The following UTRN variants were observed in gnomAD, a reference collection of about 807,000 sequenced individuals.
UTRN encodes dystrophin-related protein 1.
In UTRN, 283 loss-of-function variants were observed where a neutral mutation model predicts 463.9. The observed-to-expected ratio is 0.61, with a 90% CI of 0.55 to 0.67. The LOEUF (loss-of-function observed/expected upper bound fraction) is 0.67, where lower values mean the gene tolerates loss of function less well. UTRN is among the 30% of genes least tolerant of loss of function. The pLI is 0.00. For synonymous variants in UTRN, 1,442 were observed against 1,431.5 expected (o/e 1.01, Z -0.17); for missense variants, 3,922 against 4,084.3 (o/e 0.96, Z 1.08).
chr6:144,818,501 T>C (rs1779276564), intron 65 of UTRN, among the ~76,000 whole-genome samples: 1 of 152,192 alleles, frequency 6.6e-6, no homozygotes, highest in African/African-American at 2.4e-5. Context: ...TGGATATGGC[T>C]TGAAAACCAC....
chr6:144,798,022 TTC>T (rs762022136), intron 64 of UTRN, 32 bp downstream of exon 64: 1 of 1,613,422 alleles, frequency 6.2e-7, no homozygotes, highest in East Asian at 2.2e-5. Context: ...GGAGGCTATT[TTC>T]TGTTTCCTTT....
intron 74 of UTRN, among the ~76,000 whole-genome samples, chr6:144,847,288 T>A (rs543070319): frequency 2.7e-4 from 41 of 152,342 alleles, no homozygotes; most frequent in African/African-American, 9.6e-4. Flanking sequence ...CTTTTAGTAT[T>A]TTCTATAAAC....
At chr6:144,765,175 A>C (rs947265746) in intron 58 of UTRN, among the ~76,000 whole-genome samples, 4 of 152,204 alleles carry the variant, frequency 2.6e-5, no homozygotes, top group Non-Finnish European at 4.4e-5. Flanking sequence ...CCCTCAAGAC[A>C]ATTATCACCT....
rs778688999 is a variant in UTRN at position 144,557,237 on chromosome 6, T to C, written c.7215T>C (p.Tyr2405=). The C allele has an allele frequency of 2.4e-5, 38 of 1,613,952 alleles. No homozygotes were observed. The highest frequency in any genetic ancestry group is 3.1e-5 in the Non-Finnish European group (37 of 1,179,908). ...DNVLQKLLEE[Y]GSDDTRNVKE... is the part of the protein sequence containing the mutation. ...TCCTGCAGAAACTCCTGGAGGAATATGGGAGTGATGACACAAGGAATGTGA... is the reference window on the plus strand; with the variant it reads ...TCCTGCAGAAACTCCTGGAGGAATACGGGAGTGATGACACAAGGAATGTGA... Residue 2405 remains tyrosine, a synonymous_variant, in exon 50 of 75, where the codon TAT becomes TAC. Coordinates refer to ENST00000367545, the MANE Select transcript of UTRN (RefSeq NM_007124.3).
chr6:144,745,753 C>G (rs1332796117), intron 54 of UTRN, among the ~76,000 whole-genome samples: 1 of 152,128 alleles, frequency 6.6e-6, no homozygotes, highest in Non-Finnish European at 1.5e-5. Context: ...TTTACTTTAT[C>G]TGAGGAAAAT....
rs190999128 is a variant in UTRN at position 144,378,575 on chromosome 6, A to C, written c.80-24548A>C. ...AGAACAGGGTGAAGGAGGCAGGCAT[A>C]GCAGCATGAACCAATATCCCGAGGC... On this transcript the variant is annotated intron_variant, in intron 2 of 74. Coordinates refer to ENST00000367545, the MANE Select transcript of UTRN (RefSeq NM_007124.3). 2.2e-3 allele frequency among the ~76,000 whole-genome samples: 335 copies of C among 152,348 alleles called. 1 individual carries two copies. The highest frequency in any genetic ancestry group is 0.014 in the Middle Eastern group (4 of 294).
intron 50 of UTRN, among the ~76,000 whole-genome samples, chr6:144,575,117 A>AT (rs1215533773): frequency 6.6e-6 from 1 of 152,072 alleles, no homozygotes; most frequent in Non-Finnish European, 1.5e-5. Context: ...TTGAATTTAC[A>AT]TTTCTCTAAT....
At chr6:144,666,550 G>A (rs572135181) in intron 51 of UTRN, among the ~76,000 whole-genome samples, 1 of 152,316 alleles carries the variant, frequency 6.6e-6, no homozygotes, top group East Asian at 1.9e-4. Flanking sequence ...AACAGAGACT[G>A]TGAGGATACA....
chr6:144,636,576 A>G (rs1777200957), intron 51 of UTRN, among the ~76,000 whole-genome samples: 1 of 152,246 alleles, frequency 6.6e-6, no homozygotes, highest in Admixed American at 6.5e-5. Context: ...GGTTTCTCTA[A>G]GAAAGTTTTC....
At chr6:144,602,749 A>C (rs1410199569) in intron 51 of UTRN, among the ~76,000 whole-genome samples, 1 of 152,206 alleles carries the variant, frequency 6.6e-6, no homozygotes, top group African/African-American at 2.4e-5. Context: ...TGCAGACTCC[A>C]TACAGACAGG....
intron 66 of UTRN, among the ~76,000 whole-genome samples, chr6:144,822,511 A>T (rs914244582): frequency 6.6e-6 from 1 of 152,140 alleles, no homozygotes; most frequent in African/African-American, 2.4e-5. Context: ...TTGATATCAA[A>T]CTGTGTACAA....
intron 2 of UTRN, among the ~76,000 whole-genome samples, chr6:144,317,700 A>G (rs534249887): frequency 1.6e-4 from 24 of 152,286 alleles, no homozygotes; most frequent in East Asian, 1.2e-3. Context: ...CCCAGCCCCA[A>G]TCTGGTATCT....
At chr6:144,514,258 A>C (rs562257355) in intron 36 of UTRN, among the ~76,000 whole-genome samples, 3 of 152,342 alleles carry the variant, frequency 2.0e-5, no homozygotes, top group Admixed American at 6.5e-5. Flanking sequence ...CAACCGGAGT[A>C]AGACCTATTC....
chr6:144,428,548 T>C (rs538521918), intron 7 of UTRN, among the ~76,000 whole-genome samples: 2 of 151,850 alleles, frequency 1.3e-5, no homozygotes, highest in Admixed American at 1.3e-4. Flanking sequence ...CCACAGAAAA[T>C]AGCAGTCCTA....
At position 144,482,341 on chromosome 6, in the gene UTRN, T is replaced by C. The variant is rs772549796; in HGVS notation, c.3640T>C (p.Tyr1214His). 1.9e-6 allele frequency: 3 copies of C among 1,603,150 alleles called. No individual in the cohort carries two copies. The highest frequency in any genetic ancestry group is 1.3e-5 in the African/African-American group (1 of 74,436). Residue 1214 changes from tyrosine to histidine, a missense_variant, in exon 27 of 75, where the codon TAC becomes CAC. Around this residue, in one of 3 missense-constraint regions of UTRN, gnomAD observed 2,349 missense variants for 2,303.8 expected, o/e 1.02. Transcript: ENST00000367545. Reference protein sequence around the residue: ...TSELNVVLENYQLLCNRIRGK... With the variant: ...TSELNVVLENHQLLCNRIRGK... ...TGAGCTGAATGTTGTGCTGGAGAAT[T>C]ACCAACTTCTTTGTAATAGAATTCG...
chr6:144,716,321 C>A (rs1786445351), intron 53 of UTRN, among the ~76,000 whole-genome samples: 1 of 151,448 alleles, frequency 6.6e-6, no homozygotes, highest in African/African-American at 2.4e-5. Context: ...GAATTTGATA[C>A]CTTTGAATGC....
At chr6:144,553,433 T>G (rs1349865136) in intron 48 of UTRN, among the ~76,000 whole-genome samples, 1 of 152,212 alleles carries the variant, frequency 6.6e-6, no homozygotes, top group Non-Finnish European at 1.5e-5. Context: ...TATCTTGTAG[T>G]TACGTTCCTC....
chr6:144,516,295 CCTTT>C lies in UTRN; in HGVS notation c.5314_5317del (p.Phe1772LeufsTer6), dbSNP rs1562512883. On this transcript the variant is annotated frameshift_variant, in exon 38 of 75. Coordinates refer to ENST00000367545, the MANE Select transcript of UTRN (RefSeq NM_007124.3). LOFTEE classifies it high-confidence loss of function. Reference sequence around the variant, plus strand: ...CACTGAAACATTTGAAACTGGTGTGCCTTTCTCTGACTTGGAAAAATTAGAAAAT... The same window carrying C: ...CACTGAAACATTTGAAACTGGTGTGCCTCTGACTTGGAAAAATTAGAAAAT... The C allele has an allele frequency of 6.2e-7, 1 of 1,613,620 alleles. No homozygotes were observed. Among genetic ancestry groups the C allele is most frequent in the Non-Finnish European group, 8.5e-7 (1 of 1,179,906 alleles).
Position 144,523,016 on chromosome 6 carries a change from A to G in UTRN, c.5734A>G (p.Asn1912Asp). The G allele has an allele frequency of 6.3e-7, 1 of 1,579,672 alleles. No individual in the cohort carries two copies. The highest frequency in any genetic ancestry group is 1.4e-5 in the African/African-American group (1 of 73,296). ...DFSFQEDSLK[N>D]IKDQLDKLGE... is the part of the protein sequence containing the mutation. ...TTAATCTATGACAATATATTTTTAGAATATCAAAGACCAACTGGACAAACT... is the reference window on the plus strand; with the variant it reads ...TTAATCTATGACAATATATTTTTAGGATATCAAAGACCAACTGGACAAACT... Residue 1912 changes from asparagine (N) to aspartate (D), a missense_variant and splice_region_variant, in exon 41 of 75, where the codon AAT becomes GAT. Asn to Asp is a conservative substitution (Grantham distance 23). This residue lies in a region of UTRN where 2,349 missense variants were observed against 2,303.8 expected (regional missense o/e 1.02). Coordinates refer to ENST00000367545, the MANE Select transcript of UTRN (RefSeq NM_007124.3).
Sources: gnomAD v4.1 joint callset for allele counts (sites outside exome capture counted in the v4.1 genomes callset) on GRCh38, gnomAD v4.1.1 for gene constraint, gnomAD v4.1.1 regional missense constraint, MANE v1.5 for transcripts, NCBI Gene and HGNC (gene_info 2026-07-23, HGNC 2026-07-21) for gene names.